The following TASOR variants were observed in gnomAD, a reference collection of about 807,000 sequenced individuals.
TASOR encodes protein TASOR.
In TASOR, 53 loss-of-function variants were observed where a neutral mutation model predicts 178.6. That is an observed-to-expected ratio of 0.30 (90% confidence interval 0.24 to 0.37). The LOEUF is 0.37. TASOR is among the 10% of genes least tolerant of loss of function. TASOR has a pLI of 1.00. For missense variants in TASOR, 1,815 were observed against 1,971.4 expected (o/e 0.92, Z 1.50); for synonymous variants, 713 against 696.2 (o/e 1.02, Z -0.38).
At chr3:56,678,750 C>G (rs2031540097) in intron 1 of TASOR, among the ~76,000 whole-genome samples, 1 of 152,074 alleles carries the variant, frequency 6.6e-6, no homozygotes, top group Non-Finnish European at 1.5e-5. Context: ...GCGGCTCATG[C>G]CTGTAATCCC....
rs1553717946 is a variant in TASOR at position 56,621,171 on chromosome 3, A to AAACAAC, written c.*1860_*1865dup. 6.5e-6 allele frequency: 1 copy of AAACAAC among 153,478 alleles called. No individual in the cohort carries two copies. Among genetic ancestry groups the AAACAAC allele is most frequent in the Non-Finnish European group, 1.4e-5 (1 of 71,588 alleles). 9.5% of individuals were successfully genotyped at this position (153,478 alleles called of 1,614,324 possible). ...GAGACTCCATCTCCAAAAAAAAACA[A>AAACAAC]AACAACAACAACAAAAAAAAAACAC... On this transcript the variant is annotated 3_prime_UTR_variant, in exon 24 of 24. Transcript: ENST00000683822.
intron 7 of TASOR, among the ~76,000 whole-genome samples, chr3:56,665,764 G>A (rs138054152): frequency 0.012 from 1,849 of 152,152 alleles, 28 homozygotes; most frequent in Non-Finnish European, 0.015. Flanking sequence ...GAGGTCAGGA[G>A]ATCAAGACCA....
chr3:56,638,456 T>C (rs961126375), intron 17 of TASOR, among the ~76,000 whole-genome samples: 7 of 152,198 alleles, frequency 4.6e-5, no homozygotes, highest in African/African-American at 1.4e-4. Flanking sequence ...CAAATCATAT[T>C]GTAAGATAGA....
intron 2 of TASOR, 22 bp downstream of exon 2, chr3:56,673,558 G>C: frequency 1.3e-6 from 2 of 1,503,952 alleles, no homozygotes; most frequent in Middle Eastern, 3.5e-4. Context: ...CAATCTTACA[G>C]TAAGTATAAT....
chr3:56,677,888 T>C (rs1296645669), intron 1 of TASOR, among the ~76,000 whole-genome samples: 3 of 152,212 alleles, frequency 2.0e-5, no homozygotes, highest in Non-Finnish European at 4.4e-5. Flanking sequence ...AGAAGTTCTT[T>C]CACACATTAA....
At chr3:56,653,243 AC>A in intron 11 of TASOR, among the ~76,000 whole-genome samples, 1 of 133,488 alleles carries the variant, frequency 7.5e-6, no homozygotes, top group Non-Finnish European at 1.6e-5. Flanking sequence ...AGCCTGGGCA[AC>A]AGAGTGAGAC....
intron 14 of TASOR, among the ~76,000 whole-genome samples, chr3:56,643,178 C>G (rs2077163107): frequency 6.8e-6 from 1 of 147,916 alleles, no homozygotes; most frequent in Non-Finnish European, 1.5e-5. Flanking sequence ...ATAGGAGAAT[C>G]GCTTAACCCA....
rs2076763069 is a variant in TASOR, at chr3:56,624,809, T to C, written c.4318+19A>G. 6.2e-7 allele frequency: 1 copy of C among 1,612,126 alleles called. No individual in the cohort carries two copies. Among genetic ancestry groups the C allele is most frequent in the Admixed American group, 1.7e-5 (1 of 59,854 alleles). On this transcript the variant is annotated intron_variant, in intron 22 of 23. Coordinates refer to ENST00000683822, the MANE Select transcript of TASOR (RefSeq NM_001365635.2). ...CATTCCTATATTCATAGTAGAAAGC[T>C]TAGGAGTGCTCTCTTTACCTGTTAA...
chr3:56,621,535 C>T lies in TASOR; in HGVS notation c.*1502G>A. ...ACATATATCAATGTGATTTCAGGGC[C>T]TTCTCCAGAAGCAAAAGGAGTTGGA... On this transcript the variant is annotated 3_prime_UTR_variant, in exon 24 of 24. Coordinates refer to ENST00000683822, the MANE Select transcript of TASOR (RefSeq NM_001365635.2). 6.3e-7 allele frequency: 1 copy of T among 1,586,482 alleles called. No homozygotes were observed. Among genetic ancestry groups the T allele is most frequent in the Non-Finnish European group, 8.6e-7 (1 of 1,166,682 alleles).
At chr3:56,674,500 C>T (rs965735368) in intron 1 of TASOR, among the ~76,000 whole-genome samples, 1 of 152,022 alleles carries the variant, frequency 6.6e-6, no homozygotes, top group Non-Finnish European at 1.5e-5. Context: ...GAGAGAGAGA[C>T]CCTGTCTCAA....
At chr3:56,679,478 A>G (rs1353758465) in intron 1 of TASOR, among the ~76,000 whole-genome samples, 1 of 152,226 alleles carries the variant, frequency 6.6e-6, no homozygotes, top group Non-Finnish European at 1.5e-5. Flanking sequence ...ACAACTAATG[A>G]AATACCATGG....
In TASOR at chr3:56,646,515, A is replaced by C; in HGVS notation, c.2215+7T>G. ...TTGGCTGTTATAAGAGCAATCTGATATTTTACCTTCATACAGATGGCAATT... is the reference window on the plus strand; with the variant it reads ...TTGGCTGTTATAAGAGCAATCTGATCTTTTACCTTCATACAGATGGCAATT... On this transcript the variant is annotated splice_region_variant and intron_variant, in intron 14 of 23. Transcript: ENST00000683822. 6 of 1,584,516 alleles carry C rather than the reference A, an allele frequency of 3.8e-6. No individual in the cohort carries two copies. Among genetic ancestry groups the C allele is most frequent in the Non-Finnish European group, 5.1e-6 (6 of 1,169,140 alleles).
Position 56,622,688 on chromosome 3 carries a change from CT to C in TASOR, c.*348del, listed in dbSNP as rs2076713888. On this transcript the variant is annotated 3_prime_UTR_variant, in exon 24 of 24. Coordinates refer to ENST00000683822, the MANE Select transcript of TASOR (RefSeq NM_001365635.2). Reference sequence around the variant, plus strand: ...AAAATAATTCACTTCAACAAAAGTACTTTATATCAGGTGACATTAGAGAAAA... The same window carrying C: ...AAAATAATTCACTTCAACAAAAGTACTTATATCAGGTGACATTAGAGAAAA... 6.2e-6 allele frequency: 1 copy of C among 161,014 alleles called. No homozygotes were observed. The highest frequency in any genetic ancestry group is 2.4e-5 in the African/African-American group (1 of 41,788). The allele number at this position is 161,014 out of a possible 1,614,324, so 10.0% of individuals were successfully genotyped here.
chr3:56,646,333 A>G (rs1429089586), intron 14 of TASOR, among the ~76,000 whole-genome samples, 189 bp downstream of exon 14: 1 of 152,228 alleles, frequency 6.6e-6, no homozygotes, highest in Admixed American at 6.5e-5. Context: ...CAACTCTGCC[A>G]TGACAGCATG....
chr3:56,637,372 A>G (rs774242577), intron 17 of TASOR, among the ~76,000 whole-genome samples: 2 of 152,170 alleles, frequency 1.3e-5, no homozygotes, highest in African/African-American at 2.4e-5. Context: ...AACTACAAAA[A>G]TCAGCCGGGT....
chr3:56,670,076 T>G lies in TASOR; in HGVS notation c.640A>C (p.Met214Leu), dbSNP rs1188696403. 2.0e-6 allele frequency: 3 copies of G among 1,534,148 alleles called. No homozygotes were observed. The East Asian group carries it at 7.4e-5, about 38-fold the overall frequency. ...SKITILGSPSMGVYLSRYADL... is the reference protein window; with the variant it reads ...SKITILGSPSLGVYLSRYADL... ...ATTTAAAAAGAAAAAAGATTACCCA[T>G]GGAAGGACTGCCAAGAATTGTTATT... Residue 214 changes from methionine (M) to leucine (L), a missense_variant, in exon 4 of 24, where the codon ATG becomes CTG. Physicochemically the swap from Met to Leu is conservative, Grantham distance 15. This residue lies in a region of TASOR where 504 missense variants were observed against 645.3 expected (regional missense o/e 0.78). Coordinates refer to ENST00000683822, the MANE Select transcript of TASOR (RefSeq NM_001365635.2).
intron 21 of TASOR, among the ~76,000 whole-genome samples, chr3:56,626,077 GTGGTATAAAGTTTAAGGAAA>G (rs1417313225): frequency 5.3e-5 from 8 of 152,200 alleles, no homozygotes. Flanking sequence ...AGAAATTTTT[GTGGTATAAAGTTTAAGGAAA>G]TAATGATTGA....
At chr3:56,640,242 C>T (rs1578214181) in intron 15 of TASOR, 112 bp from the exon 16 acceptor site, 4 of 869,444 alleles carry the variant, frequency 4.6e-6, no homozygotes, top group South Asian at 1.7e-5. Context: ...ATTACAAATG[C>T]GTAAAATCAA....
At chr3:56,659,647 G>A (rs1488657944) in intron 11 of TASOR, among the ~76,000 whole-genome samples, 1 of 152,068 alleles carries the variant, frequency 6.6e-6, no homozygotes, top group African/African-American at 2.4e-5. Context: ...AGTAACTAAC[G>A]TAATTATTCA....
Sources: allele counts gnomAD v4.1 joint callset (sites outside exome capture counted in the v4.1 genomes callset), GRCh38; gene constraint gnomAD v4.1.1; regional missense constraint gnomAD v4.1.1; transcripts MANE v1.5; gene names NCBI Gene and HGNC (gene_info 2026-07-23, HGNC 2026-07-21).